Variants in AXDND1 observed in about 807,000 individuals in gnomAD.
AXDND1 encodes axonemal dynein light chain domain-containing protein 1.
A neutral mutation model predicts 137.5 loss-of-function variants in AXDND1; 110 were observed. The observed-to-expected ratio is 0.80, with a 90% confidence interval of 0.69 to 0.94. The LOEUF is 0.94. Among genes scored for constraint, AXDND1 ranks in the 40% least tolerant of loss-of-function variants. AXDND1 has a pLI of 0.00. For synonymous variants in AXDND1, 414 were observed against 399.7 expected, an observed-to-expected ratio of 1.04 and a Z score of -0.43; for missense variants, 1,191 against 1,169.8, an observed-to-expected ratio of 1.02 and a Z score of -0.26.
At chr1:179,432,179 T>G in intron 14 of AXDND1, 88 bp from the exon 15 acceptor site, 1 of 1,417,940 alleles carries the variant, frequency 7.1e-7, no homozygotes, top group Non-Finnish European at 9.3e-7. Context: ...GAGAAATATG[T>G]TAGTTGTTTA....
chr1:179,480,855 A>C (rs72704404), intron 17 of AXDND1, among the ~76,000 whole-genome samples: 14,024 of 151,572 alleles, frequency 0.093, 922 homozygotes, highest in African/African-American at 0.17. Flanking sequence ...GACCACACCA[A>C]GCTGTTAAAC....
At position 179,428,469 on chromosome 1, in the gene AXDND1, T is replaced by C. The variant is rs117985796; in HGVS notation, c.1231-1049T>C. On this transcript the variant is annotated intron_variant, in intron 12 of 25. Transcript: ENST00000367618. ...CCACAGTGTCTAGAACAGTATTTCATTAAATGACTAGCAGTTGATTTCTTA... is the reference window on the plus strand; with the variant it reads ...CCACAGTGTCTAGAACAGTATTTCACTAAATGACTAGCAGTTGATTTCTTA... 7.2e-5 allele frequency among the ~76,000 whole-genome samples: 11 copies of C among 152,386 alleles called. No homozygotes were observed. The East Asian group carries it at 2.1e-3, about 29-fold the overall frequency.
chr1:179,536,593 C>T (rs1029682100), intron 25 of AXDND1, among the ~76,000 whole-genome samples: 2 of 152,130 alleles, frequency 1.3e-5, no homozygotes, highest in Non-Finnish European at 2.9e-5. Context: ...GTACCAGTAC[C>T]ATGCTGTTTT....
intron 9 of AXDND1, 149 bp downstream of exon 9, chr1:179,385,508 A>C: frequency 1.1e-6 from 1 of 883,002 alleles, no homozygotes; most frequent in Non-Finnish European, 1.8e-6. Context: ...CTTTTTTGTT[A>C]ATATATGGAA....
intron 17 of AXDND1, among the ~76,000 whole-genome samples, chr1:179,470,171 G>A (rs1208846371): frequency 6.6e-6 from 1 of 152,084 alleles, no homozygotes; most frequent in Admixed American, 6.6e-5. Context: ...TGATCTATAT[G>A]TCCACCCTTG....
intron 11 of AXDND1, among the ~76,000 whole-genome samples, chr1:179,410,169 T>A (rs777020059): frequency 6.6e-6 from 1 of 152,192 alleles, no homozygotes; most frequent in Non-Finnish European, 1.5e-5. Flanking sequence ...TATTGCAAAG[T>A]CCTTGGGAGG....
chr1:179,526,507 T>C (rs571966362), intron 22 of AXDND1, among the ~76,000 whole-genome samples: 58 of 152,326 alleles, frequency 3.8e-4, no homozygotes, highest in African/African-American at 1.3e-3. Context: ...AATTCTTAGA[T>C]TGACTACTAC....
intron 25 of AXDND1, among the ~76,000 whole-genome samples, chr1:179,542,871 C>A (rs1183489813): frequency 1.3e-5 from 2 of 152,182 alleles, no homozygotes; most frequent in African/African-American, 4.8e-5. Context: ...CCAGCAAAAT[C>A]ATTGCCAGGG....
rs1295997083 is a variant in AXDND1, at chr1:179,419,431, G to A, written c.1230+8165G>A. 2.7e-5 allele frequency among the ~76,000 whole-genome samples: 4 copies of A among 149,182 alleles called. 1 individual carries two copies. Among genetic ancestry groups the A allele is most frequent in the Admixed American group, 2.0e-4 (3 of 14,838 alleles). On this transcript the variant is annotated intron_variant, in intron 12 of 25. Transcript: ENST00000367618. ...GCTGGAGACCAGCCCGGCCAACACAGCGAAACCCCGTCTCCACCAAAAAAA... is the reference window on the plus strand; with the variant it reads ...GCTGGAGACCAGCCCGGCCAACACAACGAAACCCCGTCTCCACCAAAAAAA...
intron 9 of AXDND1, among the ~76,000 whole-genome samples, chr1:179,387,220 G>C (rs1424316666): frequency 2.0e-5 from 3 of 152,128 alleles, no homozygotes; most frequent in Non-Finnish European, 4.4e-5. Flanking sequence ...TCACAGACGG[G>C]GGGTAATTTA....
chr1:179,511,852 G>T (rs1182463263), intron 21 of AXDND1, among the ~76,000 whole-genome samples: 1 of 151,752 alleles, frequency 6.6e-6, no homozygotes, highest in Non-Finnish European at 1.5e-5. Context: ...TTGGCCATTT[G>T]TGTCTCTTCT....
chr1:179,387,039 A>G (rs1649332514), intron 9 of AXDND1, among the ~76,000 whole-genome samples: 1 of 152,092 alleles, frequency 6.6e-6, no homozygotes, highest in African/African-American at 2.4e-5. Flanking sequence ...CTTTTTGAAC[A>G]TACAGAATGT....
intron 20 of AXDND1, among the ~76,000 whole-genome samples, chr1:179,501,007 C>A (rs914798894): frequency 6.6e-6 from 1 of 152,210 alleles, no homozygotes; most frequent in Admixed American, 6.5e-5. Flanking sequence ...CCTCTCCAGT[C>A]ATATTAGCCA....
intron 20 of AXDND1, among the ~76,000 whole-genome samples, chr1:179,502,348 T>C (rs1029246671): frequency 6.6e-6 from 1 of 151,968 alleles, no homozygotes; most frequent in Non-Finnish European, 1.5e-5. Flanking sequence ...GCGGATCACC[T>C]GTGGTCAGGA....
chr1:179,480,466 A>G (rs957674094), intron 17 of AXDND1, among the ~76,000 whole-genome samples: 2 of 152,190 alleles, frequency 1.3e-5, no homozygotes, highest in South Asian at 4.1e-4. Context: ...TCCCTCCCAC[A>G]ACATGAGGGA....
intron 21 of AXDND1, among the ~76,000 whole-genome samples, chr1:179,514,473 T>C (rs1669338644): frequency 1.3e-5 from 2 of 152,200 alleles, no homozygotes; most frequent in African/African-American, 4.8e-5. Flanking sequence ...GAGGCTCATC[T>C]AGTGGCCTAT....
chr1:179,376,892 G>A (rs575528021), intron 4 of AXDND1, among the ~76,000 whole-genome samples: 1 of 152,130 alleles, frequency 6.6e-6, no homozygotes, highest in South Asian at 2.1e-4. Flanking sequence ...GCACGTTAAT[G>A]TACAATCCTA....
At chr1:179,366,052 C>T (rs187570020) in intron 1 of AXDND1, 52 bp downstream of exon 1, 1 of 154,544 alleles carries the variant, frequency 6.5e-6, no homozygotes, top group Admixed American at 6.4e-5. Flanking sequence ...TCATTTTAAA[C>T]CAAGAAGCAG....
At chr1:179,399,623 A>G (rs1378032681) in intron 11 of AXDND1, among the ~76,000 whole-genome samples, 1 of 152,248 alleles carries the variant, frequency 6.6e-6, no homozygotes, top group African/African-American at 2.4e-5. Flanking sequence ...AGGAACAGTC[A>G]GCAGAGTAAA....
Sources: gnomAD v4.1 joint callset for allele counts (sites outside exome capture counted in the v4.1 genomes callset) on GRCh38, gnomAD v4.1.1 for gene constraint, MANE v1.5 for transcripts, NCBI Gene and HGNC (gene_info 2026-07-23, HGNC 2026-07-21) for gene names.